The following XXYLT1 variants were observed in gnomAD, a reference collection of about 807,000 sequenced individuals.
XXYLT1 encodes UDP-xylose:alpha-xyloside alpha-1,3-xylosyltransferase.
In XXYLT1, 20 loss-of-function variants were observed where a neutral mutation model predicts 28.9. The ratio of observed to expected loss-of-function variants is 0.69; its 90% CI spans 0.49 to 1.00. The LOEUF (loss-of-function observed/expected upper bound fraction) is 1.00. Among genes scored for constraint, XXYLT1 ranks in the 50% least tolerant of loss-of-function variants. The probability of loss-of-function intolerance (pLI) is 0.00; values close to 1 mark genes in which losing one functional copy is unlikely to be tolerated. For synonymous variants in XXYLT1, 257 were observed against 253.8 expected (o/e 1.01, Z -0.12); for missense variants, 542 against 560.1 (o/e 0.97, Z 0.33).
chr3:195,089,475 C>T (rs1409172233), intron 3 of XXYLT1, among the ~76,000 whole-genome samples: 2 of 151,970 alleles, frequency 1.3e-5, no homozygotes, highest in Non-Finnish European at 2.9e-5. Flanking sequence ...CAAACAAATG[C>T]TGAGAGATTT....
chr3:195,163,276 C>G (rs968257629), intron 2 of XXYLT1, among the ~76,000 whole-genome samples: 3 of 152,204 alleles, frequency 2.0e-5, no homozygotes, highest in African/African-American at 7.2e-5. Context: ...GAATTATGGG[C>G]TCCTGTTTCT....
chr3:195,163,660 C>G (rs925104385), intron 2 of XXYLT1, among the ~76,000 whole-genome samples: 1 of 152,252 alleles, frequency 6.6e-6, no homozygotes, highest in African/African-American at 2.4e-5. Flanking sequence ...CTGGGTTTAA[C>G]TGCATATCAC....
At chr3:195,227,828 C>T (rs1157503320) in intron 1 of XXYLT1, among the ~76,000 whole-genome samples, 3 of 152,192 alleles carry the variant, frequency 2.0e-5, no homozygotes, top group Admixed American at 1.3e-4. Flanking sequence ...GCTCAACCCG[C>T]GATTAGAGCA....
rs547932176 is a variant in XXYLT1, at chr3:195,180,197, T to C, written c.653-23616A>G. On this transcript the variant is annotated intron_variant, in intron 2 of 3. Coordinates refer to ENST00000310380, the MANE Select transcript of XXYLT1 (RefSeq NM_152531.5). This position sits in a 1 kb window ranked among gnomAD's most constrained non-coding sequence, Gnocchi z 5.8. ...GTAGCAGGCCTGGGGTGGTCTGGCT[T>C]ATGCACAGTCATTTCTAACGCCAGA... 6.6e-6 allele frequency among the ~76,000 whole-genome samples: 1 copy of C among 152,216 alleles called. No individual in the cohort carries two copies. The highest frequency in any genetic ancestry group is 1.9e-4 in the East Asian group (1 of 5,152).
intron 2 of XXYLT1, among the ~76,000 whole-genome samples, chr3:195,211,280 G>T (rs982507023): frequency 6.6e-6 from 1 of 152,172 alleles, no homozygotes; most frequent in Non-Finnish European, 1.5e-5. Context: ...TGTAATCCCA[G>T]CTACTTGGGA....
intron 2 of XXYLT1, among the ~76,000 whole-genome samples, chr3:195,189,622 T>C (rs1299736301): frequency 6.6e-6 from 1 of 152,112 alleles, no homozygotes; most frequent in Non-Finnish European, 1.5e-5. Flanking sequence ...AAAGAATCAA[T>C]GAACTTGTAC....
In XXYLT1 at chr3:195,077,348, A is replaced by C. The variant is rs558339049; in HGVS notation, c.786-7237T>G. On this transcript the variant is annotated intron_variant, in intron 3 of 3. Coordinates refer to ENST00000310380, the MANE Select transcript of XXYLT1 (RefSeq NM_152531.5). This position sits in a 1 kb window ranked among gnomAD's most constrained non-coding sequence, Gnocchi z 4.8. ...CGCAATAACATGGATGGAATGGGGA[A>C]GATGCCCCCACTGGGCTGGTCCGGG... is the stretch of plus-strand genomic sequence containing the variant. Among the ~76,000 whole-genome samples, 127 of 152,312 alleles carry C rather than the reference A, an allele frequency of 8.3e-4. No individual in the cohort carries two copies. The highest frequency in any genetic ancestry group is 3.0e-3 in the African/African-American group (125 of 41,588).
chr3:195,192,278 C>T (rs1429382909), intron 2 of XXYLT1, among the ~76,000 whole-genome samples: 2 of 151,868 alleles, frequency 1.3e-5, no homozygotes, highest in Non-Finnish European at 1.5e-5. Context: ...TACAAAAATT[C>T]GCCAGGTGTG....
rs144334718 is a variant in XXYLT1 at position 195,079,509 on chromosome 3, T to C, written c.786-9398A>G. Among the ~76,000 whole-genome samples the C allele has an allele frequency of 4.3e-3, 661 of 152,282 alleles. 3 individuals carry two copies. Among genetic ancestry groups the C allele is most frequent in the African/African-American group, 0.015 (630 of 41,554 alleles). On this transcript the variant is annotated intron_variant, in intron 3 of 3. Coordinates refer to ENST00000310380, the MANE Select transcript of XXYLT1 (RefSeq NM_152531.5). ...AGGACTTACTATGTGCCAGGCCCTG[T>C]TGTAAGTTCTTAAATGTATTCAGTA...
chr3:195,159,003 G>A (rs1720740490), intron 2 of XXYLT1, among the ~76,000 whole-genome samples: 1 of 152,210 alleles, frequency 6.6e-6, no homozygotes, highest in Admixed American at 6.5e-5. Context: ...ATCCATGGAA[G>A]TAACATCGCA....
chr3:195,223,434 G>C (rs1723915745), intron 2 of XXYLT1, among the ~76,000 whole-genome samples: 2 of 152,234 alleles, frequency 1.3e-5, no homozygotes, highest in Admixed American at 1.3e-4. Flanking sequence ...CAAGGGTTCA[G>C]GCTCCACCCA....
intron 1 of XXYLT1, among the ~76,000 whole-genome samples, chr3:195,249,760 G>A (rs1038519766): frequency 2.0e-5 from 3 of 152,236 alleles, no homozygotes; most frequent in Non-Finnish European, 4.4e-5. Context: ...CCCAAGCGCT[G>A]TCAAAAGAGG....
At chr3:195,098,676 C>A (rs1373452279) in intron 3 of XXYLT1, among the ~76,000 whole-genome samples, 1 of 152,252 alleles carries the variant, frequency 6.6e-6, no homozygotes, top group Admixed American at 6.5e-5. Flanking sequence ...GTCTCGGGAG[C>A]CCTCCTCGCT....
At chr3:195,212,850 G>A (rs1723384970) in intron 2 of XXYLT1, among the ~76,000 whole-genome samples, 1 of 152,180 alleles carries the variant, frequency 6.6e-6, no homozygotes. Flanking sequence ...TCCCTTGAGG[G>A]TTGATGTTGA....
chr3:195,262,645 G>A (rs1183235732), intron 1 of XXYLT1, among the ~76,000 whole-genome samples: 2 of 152,120 alleles, frequency 1.3e-5, no homozygotes, highest in Non-Finnish European at 2.9e-5. Context: ...AATCCCCGTC[G>A]ATCAGTGTAT....
intron 2 of XXYLT1, among the ~76,000 whole-genome samples, chr3:195,188,909 T>C (rs771913743): frequency 7.2e-5 from 11 of 152,234 alleles, no homozygotes; most frequent in African/African-American, 2.4e-5. Context: ...TAACATCCGA[T>C]GGCTATGGGT....
chr3:195,213,231 T>G (rs74288784), intron 2 of XXYLT1, among the ~76,000 whole-genome samples: 1 of 151,826 alleles, frequency 6.6e-6, no homozygotes. Context: ...TGTTATTTAT[T>G]ACGCTAATCT....
intron 2 of XXYLT1, among the ~76,000 whole-genome samples, chr3:195,208,525 G>A (rs1424413252): frequency 6.6e-6 from 1 of 152,138 alleles, no homozygotes; most frequent in Non-Finnish European, 1.5e-5. Flanking sequence ...GCTGGCCTAT[G>A]GGAAAATACC....
intron 1 of XXYLT1, among the ~76,000 whole-genome samples, chr3:195,254,803 A>C (rs556139786): frequency 2.0e-5 from 3 of 152,380 alleles, no homozygotes; most frequent in African/African-American, 7.2e-5. Context: ...CGCTGTGCAC[A>C]TTCAGTCACT....
Sources: allele counts gnomAD v4.1 joint callset (sites outside exome capture counted in the v4.1 genomes callset), GRCh38; gene constraint gnomAD v4.1.1; non-coding constraint Gnocchi (gnomAD v3.1); transcripts MANE v1.5; gene names NCBI Gene and HGNC (gene_info 2026-07-23, HGNC 2026-07-21).